Variants in RGPD2 observed in about 807,000 individuals in gnomAD.
RGPD2 encodes RANBP2 like and GRIP domain containing 2, also known as RANBP2-like and GRIP domain-containing protein 2.
RGPD2 carries 2 observed loss-of-function variants against 36.0 expected under a neutral mutation model. The ratio of observed to expected loss-of-function variants is 0.06; its 90% CI spans 0.02 to 0.17. The LOEUF is 0.17. Among genes scored for constraint, RGPD2 ranks in the 10% least tolerant of loss-of-function variants. The pLI is 1.00. For synonymous variants in RGPD2, 19 were observed against 163.8 expected, an observed-to-expected ratio of 0.12 and a Z score of 6.75; for missense variants, 40 against 464.3, an observed-to-expected ratio of 0.09 and a Z score of 8.40.
chr2:87,791,511 TCAAAA>T (rs1237729234), intron 17 of RGPD2, among the ~76,000 whole-genome samples: 9 of 128,544 alleles, frequency 7.0e-5, no homozygotes, highest in East Asian at 2.5e-4. Flanking sequence ...AGACTCCATC[TCAAAA>T]CAAAACAAAA....
chr2:87,863,695 C>T, the RGPD2 span, among the ~76,000 whole-genome samples: 12 of 149,346 alleles, frequency 8.0e-5, no homozygotes, highest in South Asian at 2.1e-4. Context: ...TACACAAATA[C>T]GTGTGTGTGT....
At chr2:87,940,923 C>T in the RGPD2 span, among the ~76,000 whole-genome samples, 2 of 151,932 alleles carry the variant, frequency 1.3e-5, no homozygotes, top group South Asian at 4.1e-4. Flanking sequence ...TCTACAAAGA[C>T]CAATAATACT....
chr2:87,973,732 GGTTACTTTGA>G, the RGPD2 span, among the ~76,000 whole-genome samples: 2 of 149,970 alleles, frequency 1.3e-5, no homozygotes, highest in Non-Finnish European at 3.0e-5. Flanking sequence ...TCTGGAGTCA[GGTTACTTTGA>G]GTTCCTACTG....
the RGPD2 span, among the ~76,000 whole-genome samples, chr2:87,876,382 T>G: frequency 2.6e-5 from 4 of 152,244 alleles, no homozygotes; most frequent in Non-Finnish European, 4.4e-5. Flanking sequence ...TGAATTTCCC[T>G]CTGAACACTG....
At chr2:87,831,049 T>C in the RGPD2 span, among the ~76,000 whole-genome samples, 2 of 152,182 alleles carry the variant, frequency 1.3e-5, no homozygotes, top group Admixed American at 1.3e-4. Flanking sequence ...GAGAAATATG[T>C]TTTTGCATGA....
At chr2:87,882,195 T>A in the RGPD2 span, among the ~76,000 whole-genome samples, 3 of 152,262 alleles carry the variant, frequency 2.0e-5, no homozygotes, top group Admixed American at 2.0e-4. Flanking sequence ...CACACAGTTT[T>A]TTTTTTTCTG....
intron 20 of RGPD2, chr2:87,781,367 TG>T (rs1373726641): frequency 2.4e-5 from 3 of 125,552 alleles, no homozygotes; most frequent in African/African-American, 9.2e-5. Context: ...CATTTATCCC[TG>T]TAGTTTCATT....
At chr2:87,957,655 A>T in the RGPD2 span, among the ~76,000 whole-genome samples, 1 of 152,210 alleles carries the variant, frequency 6.6e-6, no homozygotes, top group Non-Finnish European at 1.5e-5. Flanking sequence ...TAATAACATC[A>T]CATTGGATAT....
At chr2:87,909,290 C>T in the RGPD2 span, among the ~76,000 whole-genome samples, 1 of 145,578 alleles carries the variant, frequency 6.9e-6, no homozygotes, top group East Asian at 2.1e-4. Context: ...ACAGATATTA[C>T]TAATGCCCTG....
chr2:87,868,340 C>T, the RGPD2 span, among the ~76,000 whole-genome samples: 1 of 21,900 alleles, frequency 4.6e-5, no homozygotes, highest in Non-Finnish European at 9.6e-5. Flanking sequence ...CTCATCTCCA[C>T]TGACACTCCA....
the RGPD2 span, among the ~76,000 whole-genome samples, chr2:87,984,023 A>G: frequency 6.0e-5 from 9 of 150,274 alleles, no homozygotes; most frequent in Admixed American, 1.3e-4. Flanking sequence ...ACCTGACGTT[A>G]TCAAACAGGA....
intron 22 of RGPD2, among the ~76,000 whole-genome samples, chr2:87,770,043 AGAT>A (rs1179556671): frequency 7.9e-6 from 1 of 126,040 alleles, no homozygotes; most frequent in African/African-American, 2.8e-5. Context: ...ATCATTAGAA[AGAT>A]TATTAAAAAC....
At chr2:87,971,865 T>C in the RGPD2 span, among the ~76,000 whole-genome samples, 2 of 152,094 alleles carry the variant, frequency 1.3e-5, no homozygotes, top group Non-Finnish European at 2.9e-5. Flanking sequence ...GTAATAATAA[T>C]CTGCTGAAAT....
chr2:87,915,437 G>A, the RGPD2 span, among the ~76,000 whole-genome samples: 1 of 135,542 alleles, frequency 7.4e-6, no homozygotes, highest in South Asian at 2.3e-4. Flanking sequence ...ATATATGTAT[G>A]TGTATATATA....
the RGPD2 span, among the ~76,000 whole-genome samples, chr2:87,844,473 C>T: frequency 1.3e-5 from 2 of 149,992 alleles, no homozygotes; most frequent in South Asian, 4.2e-4. Flanking sequence ...AAAACATTCA[C>T]TCTTGTTCTG....
chr2:87,838,177 CA>C, the RGPD2 span, among the ~76,000 whole-genome samples: 10 of 135,006 alleles, frequency 7.4e-5, no homozygotes, highest in Non-Finnish European at 1.3e-4. Context: ...GAAACTGTTC[CA>C]AAAAGTTGAA....
At chr2:87,855,109 T>C in the RGPD2 span, among the ~76,000 whole-genome samples, 1 of 151,948 alleles carries the variant, frequency 6.6e-6, no homozygotes, top group Non-Finnish European at 1.5e-5. Context: ...CTAGTCACCA[T>C]GCTATAAATT....
At chr2:87,809,371 A>G (rs1466846073) in intron 6 of RGPD2, among the ~76,000 whole-genome samples, 1 of 149,304 alleles carries the variant, frequency 6.7e-6, no homozygotes, top group African/African-American at 2.4e-5. Context: ...AAAAATACAA[A>G]AATTAGCCAG....
chr2:87,845,956 A>T, the RGPD2 span, among the ~76,000 whole-genome samples: 1 of 151,530 alleles, frequency 6.6e-6, no homozygotes, highest in South Asian at 2.1e-4. Flanking sequence ...TATTTTCTTA[A>T]TGATTAAAAT....
Sources: allele counts gnomAD v4.1 joint callset (sites outside exome capture counted in the v4.1 genomes callset), GRCh38; gene constraint gnomAD v4.1.1; transcripts MANE v1.5; gene names NCBI Gene and HGNC (gene_info 2026-07-23, HGNC 2026-07-21).